Variants in ABHD14B observed in about 807,000 individuals in gnomAD.
ABHD14B encodes the protein abhydrolase domain containing 14B, also known as putative protein-lysine deacylase ABHD14B.
Under a neutral mutation model 15.4 loss-of-function variants are expected in ABHD14B, and 19 were observed. The observed-to-expected ratio is 1.23, with a 90% CI of 0.86 to 1.81. The LOEUF is 1.81. ABHD14B is among the 40% of genes most tolerant of loss of function. The pLI is 0.00. For synonymous variants in ABHD14B, 92 were observed against 117.3 expected (o/e 0.78, Z 1.39); for missense variants, 243 against 267.0 (o/e 0.91, Z 0.63).
At chr3:51,970,932 G>A in intron 2 of ABHD14B, 1 of 424,656 alleles carries the variant, frequency 2.4e-6, no homozygotes. Flanking sequence ...ACCCAGCTCA[G>A]GGCTTTGCAT....
upstream of ABHD14B, chr3:51,974,064 A>C (rs1700728209): frequency 7.8e-7 from 1 of 1,286,390 alleles, no homozygotes; most frequent in Non-Finnish European, 1.0e-6. Flanking sequence ...GGCCCCATCC[A>C]GCGGGGGCGG....
At chr3:51,973,387 T>C (rs1244270460) in intron 1 of ABHD14B, among the ~76,000 whole-genome samples, 1 of 151,746 alleles carries the variant, frequency 6.6e-6, no homozygotes, top group Non-Finnish European at 1.5e-5. Context: ...GGTTTCATCA[T>C]GTTGGCCGAG....
Position 51,973,999 on chromosome 3 carries a change from C to A in ABHD14B, c.-63G>T. 7.8e-7 allele frequency: 1 copy of A among 1,289,200 alleles called. No homozygotes were observed. The highest frequency in any genetic ancestry group is 1.5e-5 in the African/African-American group (1 of 65,978). The allele number at this position is 1,289,200 out of a possible 1,614,324, so 79.9% of individuals were successfully genotyped here. ...TGCGTGGACTCGCGCAGACGGGAAG[C>A]AGGCGCGTGCTGGCGGTGACCTGGG... On this transcript the variant is annotated 5_prime_UTR_variant, in exon 1 of 4. Transcript: ENST00000361143.
At chr3:51,970,666 C>T (rs1392041897) in intron 2 of ABHD14B, 2 of 457,778 alleles carry the variant, frequency 4.4e-6, no homozygotes, top group Non-Finnish European at 8.8e-6. Flanking sequence ...GTCGGTTCTG[C>T]AGCTCCTCCT....
rs772084428 is a variant in ABHD14B at position 51,971,460 on chromosome 3, C to A, written c.211G>T (p.Gly71Cys). The change falls in exon 2 of 4, where the codon GGT becomes TGT. Residue 71 changes from glycine to cysteine, a missense_variant and splice_region_variant. Transcript: ENST00000361143. ...GCCCAGAAGCCTGCCCCTTAAGTAC[C>A]TGGCAGGTCAATGGCCACAGCCCGG... ...GYRAVAIDLP[G>C]LGHSKEAAAP... The A allele has an allele frequency of 6.4e-7, 1 of 1,574,798 alleles. No individual in the cohort carries two copies. The highest frequency in any genetic ancestry group is 8.6e-7 in the Non-Finnish European group (1 of 1,157,224).
chr3:51,971,893 C>G, intron 1 of ABHD14B, 195 bp from the exon 2 acceptor site: 1 of 1,149,006 alleles, frequency 8.7e-7, no homozygotes, highest in Non-Finnish European at 1.1e-6. Context: ...GCTTCTTGAT[C>G]TGAAATATGG....
intron 1 of ABHD14B, 97 bp downstream of exon 1, chr3:51,973,868 A>C: frequency 7.8e-7 from 1 of 1,289,744 alleles, no homozygotes; most frequent in Non-Finnish European, 1.0e-6. Context: ...GCAACTCCCA[A>C]GGAGGGGACC....
At chr3:51,969,868 C>G in intron 3 of ABHD14B, 75 bp downstream of exon 3, 1 of 1,612,336 alleles carries the variant, frequency 6.2e-7, no homozygotes, top group Non-Finnish European at 8.5e-7. Context: ...TATCCAGCCC[C>G]CAGATGAGGA....
At position 51,970,103 on chromosome 3, in the gene ABHD14B, T is replaced by A; in HGVS notation, c.293A>T (p.Asp98Val). The change falls in exon 3 of 4, where the codon GAT becomes GTT. Residue 98 changes from aspartate to valine, a missense_variant. By Grantham distance (152) the Asp-to-Val change is radical. Transcript: ENST00000361143. ...AACCGGGGGGCCCAGCTCCAAGGCA[T>A]CCACCACAGCCGCCAGGAAGCTGCC... ...APGSFLAAVVDALELGPPVVI... is the reference protein window; with the variant it reads ...APGSFLAAVVVALELGPPVVI... The A allele has an allele frequency of 3.1e-6, 5 of 1,592,386 alleles. No individual in the cohort carries two copies. Among genetic ancestry groups the A allele is most frequent in the Non-Finnish European group, 4.3e-6 (5 of 1,167,894 alleles).
upstream of ABHD14B, chr3:51,974,107 G>T: frequency 8.2e-7 from 1 of 1,212,712 alleles, no homozygotes; most frequent in East Asian, 5.7e-5. Flanking sequence ...GCCCTCTTGT[G>T]GCCACAAGCT....
intron 1 of ABHD14B, 119 bp downstream of exon 1, chr3:51,973,846 G>A (rs1448556662): frequency 3.1e-6 from 4 of 1,289,742 alleles, no homozygotes; most frequent in Admixed American, 2.3e-5. Context: ...GGAGCACCGG[G>A]AGGGAATGGT....
intron 2 of ABHD14B, chr3:51,970,794 C>G (rs894612719): frequency 4.4e-6 from 2 of 456,314 alleles, no homozygotes; most frequent in African/African-American, 4.0e-5. Flanking sequence ...AGCCCTGAAA[C>G]CATACCATCC....
In ABHD14B at chr3:51,969,286, C is replaced by T; in HGVS notation, c.*140G>A. The T allele has an allele frequency of 1.0e-6, 1 of 979,596 alleles. No individual in the cohort carries two copies. The highest frequency in any genetic ancestry group is 3.4e-4 in the Middle Eastern group (1 of 2,982). The allele number at this position is 979,596 out of a possible 1,614,324, so 60.7% of individuals were successfully genotyped here. On this transcript the variant is annotated 3_prime_UTR_variant, in exon 4 of 4. Coordinates refer to ENST00000361143, the MANE Select transcript of ABHD14B (RefSeq NM_001146314.2). ...GAAAGAGGTAGAAAAGACAAACAGA[C>T]CACAAAAGACAAGAACCCAGACATA...
rs1002864717 is a variant in ABHD14B at position 51,971,742 on chromosome 3, G to T, written c.-28-44C>A. On this transcript the variant is annotated intron_variant, in intron 1 of 3. Coordinates refer to ENST00000361143, the MANE Select transcript of ABHD14B (RefSeq NM_001146314.2). Reference sequence around the variant, plus strand: ...ATGATGAGGGGCCACAGAACACCCTGCCCAGGGTGGCAGTCCCAGAGGAGC... The same window carrying T: ...ATGATGAGGGGCCACAGAACACCCTTCCCAGGGTGGCAGTCCCAGAGGAGC... 1.2e-5 allele frequency: 19 copies of T among 1,554,678 alleles called. No homozygotes were observed. The African/African-American group carries it at 2.3e-4, about 19-fold the overall frequency.
In ABHD14B at chr3:51,970,012, G is replaced by C. The variant is rs1383253995; in HGVS notation, c.384C>G (p.Leu128=). The C allele has an allele frequency of 1.9e-6, 3 of 1,614,076 alleles. No individual in the cohort carries two copies. In the African/African-American group the frequency reaches 4.0e-5, roughly 22 times the overall value. ...TGGGGGCCACTGGCACAAAGCCCGG[G>C]AGCTGGGAGCCAGGGGCCGTGAGGA... The part of the protein sequence containing the change: ...LPFLTAPGSQ[L]PGFVPVAPIC... Residue 128 remains leucine, a synonymous_variant, in exon 3 of 4, where the codon CTC becomes CTG. Transcript: ENST00000361143.
At chr3:51,971,937 T>A in intron 1 of ABHD14B, 2 of 806,766 alleles carry the variant, frequency 2.5e-6, no homozygotes, top group Non-Finnish European at 3.4e-6. Flanking sequence ...ATTAGCAATT[T>A]AATTAAAAGT....
In ABHD14B at chr3:51,970,155, G is replaced by A. The variant is rs199563943; in HGVS notation, c.241C>T (p.Pro81Ser). ...GGGGCCAGCTCCCCAATAGGGGCAGGGGCTGCTGCTTCCTTGGAGTGCCCC... is the reference window on the plus strand; with the variant it reads ...GGGGCCAGCTCCCCAATAGGGGCAGAGGCTGCTGCTTCCTTGGAGTGCCCC... Reference protein sequence around the residue: ...GLGHSKEAAAPAPIGELAPGS... With the variant: ...GLGHSKEAAASAPIGELAPGS... The change falls in exon 3 of 4, where the codon CCT (proline) becomes TCT (serine). Residue 81 changes from proline (P) to serine (S), a missense_variant. Pro to Ser is a moderately conservative substitution (Grantham distance 74). Coordinates refer to ENST00000361143, the MANE Select transcript of ABHD14B (RefSeq NM_001146314.2). 321 of 1,545,658 alleles carry A rather than the reference G, an allele frequency of 2.1e-4. No homozygotes were observed. Among genetic ancestry groups the A allele is most frequent in the Non-Finnish European group, 2.6e-4 (302 of 1,148,098 alleles).
In ABHD14B at chr3:51,969,428, A is replaced by C. The variant is rs867099814; in HGVS notation, c.631T>G (p.Ter211GlyextTer64). Residue 211 changes from the stop codon to glycine (G), a stop_lost, in exon 4 of 4, where the codon TGA (stop) becomes GGA (glycine). Transcript: ENST00000361143. ...GLLDFLQGLQ[*>G] ...ACCCCCTGCAGCAGTGCTGGGCTTC[A>C]CTGGAGCCCCTGCAGGAAGTCCAGC... The C allele has an allele frequency of 6.2e-7, 1 of 1,610,480 alleles. No individual in the cohort carries two copies. The highest frequency in any genetic ancestry group is 8.5e-7 in the Non-Finnish European group (1 of 1,178,388).
rs1459874930 is a variant in ABHD14B at position 51,968,717 on chromosome 3, G to A, written c.*709C>T. 1.3e-5 allele frequency: 2 copies of A among 152,272 alleles called. No individual in the cohort carries two copies. Among genetic ancestry groups the A allele is most frequent in the African/African-American group, 2.4e-5 (1 of 41,448 alleles). The allele number at this position is 152,272 out of a possible 1,614,324, so 9.4% of individuals were successfully genotyped here. ...TCTGGGCTGGGGCCAGCTGAAACCT[G>A]TGTCCAAGTAGCTTTCAGGGCTGGC... On this transcript the variant is annotated 3_prime_UTR_variant, in exon 4 of 4. Coordinates refer to ENST00000361143, the MANE Select transcript of ABHD14B (RefSeq NM_001146314.2).
Sources: allele counts gnomAD v4.1 joint callset (sites outside exome capture counted in the v4.1 genomes callset), GRCh38; gene constraint gnomAD v4.1.1; transcripts MANE v1.5; gene names NCBI Gene and HGNC (gene_info 2026-07-23, HGNC 2026-07-21).